RAD18: variants seen among roughly 807,000 people sequenced by gnomAD.
RAD18 encodes RAD18 E3 ubiquitin protein ligase.
Under a neutral mutation model 60.4 loss-of-function variants are expected in RAD18, and 47 were observed. The observed-to-expected ratio is 0.78, with a 90% confidence interval of 0.62 to 0.99. The LOEUF (loss-of-function observed/expected upper bound fraction) is 0.99, where lower values mean the gene tolerates loss of function less well. RAD18 is among the 50% of genes least tolerant of loss of function. The probability of loss-of-function intolerance (pLI) is 0.00; values close to 1 mark genes in which losing one functional copy is unlikely to be tolerated. For synonymous variants in RAD18, 225 were observed against 195.5 expected, an observed-to-expected ratio of 1.15 and a Z score of -1.26; for missense variants, 640 against 593.3, an observed-to-expected ratio of 1.08 and a Z score of -0.82.
At chr3:8,909,312 T>C (rs1940066068) in intron 9 of RAD18, among the ~76,000 whole-genome samples, 1 of 152,140 alleles carries the variant, frequency 6.6e-6, no homozygotes, top group Non-Finnish European at 1.5e-5. Context: ...TTCTTTACAA[T>C]GGCAGGAGGG....
At chr3:8,906,428 A>G (rs2125052532) in intron 9 of RAD18, among the ~76,000 whole-genome samples, 1 of 152,196 alleles carries the variant, frequency 6.6e-6, no homozygotes, top group Non-Finnish European at 1.5e-5. Flanking sequence ...TGTCTACCTT[A>G]ATGGTCTCAT....
At chr3:8,904,251 CA>C (rs1378317311) in intron 9 of RAD18, among the ~76,000 whole-genome samples, 3 of 152,130 alleles carry the variant, frequency 2.0e-5, no homozygotes, top group Non-Finnish European at 4.4e-5. Flanking sequence ...AATAAAAACA[CA>C]TGTTCATTTT....
chr3:8,930,068 T>C (rs1162457052), intron 7 of RAD18, among the ~76,000 whole-genome samples: 1 of 152,184 alleles, frequency 6.6e-6, no homozygotes, highest in Admixed American at 6.5e-5. Context: ...ATTCTACTCT[T>C]AGGTAAAGAC....
intron 4 of RAD18, among the ~76,000 whole-genome samples, chr3:8,944,181 T>C (rs1940802073): frequency 6.6e-6 from 1 of 152,180 alleles, no homozygotes. Flanking sequence ...AAACAACAAA[T>C]TTTAAATTTT....
intron 7 of RAD18, among the ~76,000 whole-genome samples, chr3:8,919,585 T>C (rs188804885): frequency 1.3e-5 from 2 of 152,356 alleles, no homozygotes; most frequent in African/African-American, 4.8e-5. Flanking sequence ...CATGCATGTG[T>C]ATGTATATAT....
chr3:8,929,664 C>T (rs529369), intron 7 of RAD18, among the ~76,000 whole-genome samples: 103,808 of 150,014 alleles, frequency 0.69, 36,389 homozygotes, highest in Middle Eastern at 0.78. Flanking sequence ...TTTTTTGAGA[C>T]GGAGTCTCAC....
At chr3:8,886,355 C>T (rs1055090755) in intron 12 of RAD18, among the ~76,000 whole-genome samples, 1 of 152,144 alleles carries the variant, frequency 6.6e-6, no homozygotes, top group Non-Finnish European at 1.5e-5. Context: ...TGGCCAGGGA[C>T]TGTTTTTAAG....
At chr3:8,887,494 C>T (rs1425207419) in intron 12 of RAD18, among the ~76,000 whole-genome samples, 1 of 152,198 alleles carries the variant, frequency 6.6e-6, no homozygotes, top group African/African-American at 2.4e-5. Flanking sequence ...TGAAGTAACA[C>T]CAGGACCATT....
intron 11 of RAD18, among the ~76,000 whole-genome samples, chr3:8,893,693 ATTTTT>A (rs71049754): frequency 9.5e-6 from 1 of 104,790 alleles, no homozygotes. Flanking sequence ...AGCTTTTTTA[ATTTTT>A]TTTTTTTTTT....
intron 2 of RAD18, among the ~76,000 whole-genome samples, chr3:8,955,058 AACATG>A (rs1427189233): frequency 2.6e-5 from 4 of 152,214 alleles, no homozygotes; most frequent in African/African-American, 9.6e-5. Context: ...GTGAGCAAAC[AACATG>A]TATCCCTAGG....
chr3:8,932,625 A>G (rs2125063684), intron 7 of RAD18, among the ~76,000 whole-genome samples: 2 of 152,352 alleles, frequency 1.3e-5, no homozygotes, highest in African/African-American at 4.8e-5. Context: ...TATGACCAGC[A>G]ATTCCACTCC....
Position 8,879,384 on chromosome 3 carries a change from GCA to G in RAD18, c.*1971_*1972del, listed in dbSNP as rs1301952009. 1 of 152,228 alleles carries G rather than the reference GCA, an allele frequency of 6.6e-6. No homozygotes were observed. The highest frequency in any genetic ancestry group is 1.5e-5 in the Non-Finnish European group (1 of 68,074). The allele number at this position is 152,228 out of a possible 1,614,324, so 9.4% of individuals were successfully genotyped here. A position where few individuals can be genotyped will look rare whatever the true frequency, so the allele number is the denominator to read the frequency against. On this transcript the variant is annotated 3_prime_UTR_variant, in exon 13 of 13. Coordinates refer to ENST00000264926, the MANE Select transcript of RAD18 (RefSeq NM_020165.4). ...TACAAGAAATCGGGACACCAGTCCT[GCA>G]CAGTCATGTGCACACAGAGAAAAGA...
intron 11 of RAD18, among the ~76,000 whole-genome samples, chr3:8,893,658 C>T (rs1939731721): frequency 6.6e-6 from 1 of 151,278 alleles, no homozygotes; most frequent in Non-Finnish European, 1.5e-5. Flanking sequence ...CTACAGGCCA[C>T]AGTGATAATT....
At chr3:8,951,746 A>G (rs1459086989) in intron 2 of RAD18, among the ~76,000 whole-genome samples, 1 of 152,266 alleles carries the variant, frequency 6.6e-6, no homozygotes, top group East Asian at 1.9e-4. Flanking sequence ...AAAAGACTAC[A>G]GGAAAGCATT....
intron 2 of RAD18, among the ~76,000 whole-genome samples, chr3:8,954,851 A>G (rs1040220843): frequency 6.6e-6 from 1 of 152,202 alleles, no homozygotes; most frequent in Non-Finnish European, 1.5e-5. Context: ...TCATTAAAAC[A>G]CTAAAGACCC....
intron 1 of RAD18, among the ~76,000 whole-genome samples, chr3:8,961,091 T>C (rs1485729441): frequency 6.6e-6 from 1 of 152,194 alleles, no homozygotes; most frequent in Admixed American, 6.5e-5. Flanking sequence ...TATCACACTT[T>C]CTTATCTATG....
chr3:8,959,797 G>A (rs1021380711), intron 1 of RAD18, among the ~76,000 whole-genome samples: 2 of 151,074 alleles, frequency 1.3e-5, no homozygotes, highest in East Asian at 1.9e-4. Flanking sequence ...CGGGAGGATC[G>A]CTTGAGTCCA....
intron 9 of RAD18, among the ~76,000 whole-genome samples, chr3:8,906,050 G>A (rs545008334): frequency 6.6e-6 from 1 of 152,138 alleles, no homozygotes; most frequent in Non-Finnish European, 1.5e-5. Flanking sequence ...GAGAGACTGT[G>A]CCTTTGAACC....
chr3:8,944,911 C>T (rs575843110), intron 4 of RAD18, among the ~76,000 whole-genome samples: 2 of 152,262 alleles, frequency 1.3e-5, no homozygotes, highest in African/African-American at 4.8e-5. Flanking sequence ...AAACTGTAGT[C>T]GGCCCTTCCC....
Sources: gnomAD v4.1 joint callset for allele counts (sites outside exome capture counted in the v4.1 genomes callset) on GRCh38, gnomAD v4.1.1 for gene constraint, MANE v1.5 for transcripts, NCBI Gene and HGNC (gene_info 2026-07-23, HGNC 2026-07-21) for gene names.